Variants in RUNX3 observed in about 807,000 individuals in gnomAD.
The protein encoded by RUNX3 is RUNX family transcription factor 3.
A neutral mutation model predicts 27.7 loss-of-function variants in RUNX3; 10 were observed. The observed-to-expected ratio is 0.36, with a 90% confidence interval of 0.22 to 0.61. The LOEUF (loss-of-function observed/expected upper bound fraction) is 0.61, where lower values mean the gene tolerates loss of function less well. RUNX3 is among the 20% of genes least tolerant of loss of function. The probability of loss-of-function intolerance (pLI) is 0.72; values close to 1 mark genes in which losing one functional copy is unlikely to be tolerated. For missense variants in RUNX3, 469 were observed against 629.5 expected (o/e 0.75, Z 2.73); for synonymous variants, 270 against 269.2 (o/e 1.00, Z -0.03).
rs567931795 is a variant in RUNX3 at position 24,944,121 on chromosome 1, G to T, written c.59-14269C>A. Among the ~76,000 whole-genome samples, 7 of 152,250 alleles carry T rather than the reference G, an allele frequency of 4.6e-5. No homozygotes were observed. In the East Asian group the frequency reaches 1.3e-3, roughly 29 times the overall value. ...AATGGGTGTCAGCTTAGCAGGACAG[G>T]GTGGTACTTCAGGGGCAGGGCTTGG... is the stretch of plus-strand genomic sequence containing the variant. On this transcript the variant is annotated intron_variant, in intron 2 of 6. Transcript: ENST00000338888.
upstream of RUNX3, among the ~76,000 whole-genome samples, chr1:24,931,629 A>G (rs1462005358): frequency 6.6e-6 from 1 of 152,200 alleles, no homozygotes; most frequent in Non-Finnish European, 1.5e-5. Context: ...CCTCGGAAGC[A>G]AAGAAGCTTA....
At chr1:24,939,093 G>A (rs2124332390) in intron 2 of RUNX3, among the ~76,000 whole-genome samples, 1 of 152,196 alleles carries the variant, frequency 6.6e-6, no homozygotes, top group Middle Eastern at 3.4e-3. Flanking sequence ...GTTATAATTT[G>A]GCTGGAAAAT....
intron 2 of RUNX3, among the ~76,000 whole-genome samples, chr1:24,952,722 C>G (rs1487957966): frequency 6.6e-6 from 1 of 152,200 alleles, no homozygotes; most frequent in Non-Finnish European, 1.5e-5. Context: ...CCCACAGCGG[C>G]CTGGAGAGGT....
rs766712958 is a variant in RUNX3 at position 24,929,821 on chromosome 1, G to A, written c.48C>T (p.Pro16=). The A allele has an allele frequency of 2.1e-5, 30 of 1,405,660 alleles. No individual in the cohort carries two copies. The highest frequency in any genetic ancestry group is 2.7e-5 in the Non-Finnish European group (29 of 1,090,468). 87.1% of individuals were successfully genotyped at this position (1,405,660 alleles called of 1,614,324 possible). A position where few individuals can be genotyped will look rare whatever the true frequency, so the allele number is the denominator to read the frequency against. Residue 16 remains proline, a synonymous_variant, in exon 1 of 5, where the codon CCC becomes CCT. Coordinates refer to ENST00000308873, the MANE Select transcript of RUNX3 (RefSeq NM_004350.3). The part of the protein sequence containing the change: ...DPSTSRRFTP[P]SPAFPCGGGG... The stretch of plus-strand genomic sequence containing the variant: ...CGCCGCCGCAGGGGAAGGCCGGGGA[G>A]GGAGGTGTGAAGCGGCGGCTGGTGC...
At chr1:24,926,923 GC>G (rs60079311) in intron 2 of RUNX3, among the ~76,000 whole-genome samples, 1 of 151,914 alleles carries the variant, frequency 6.6e-6, no homozygotes, top group East Asian at 1.9e-4. Context: ...CCATTCAACA[GC>G]CCCCCACCCC....
At chr1:24,924,504 A>G (rs552396872) in intron 2 of RUNX3, among the ~76,000 whole-genome samples, 79 of 149,240 alleles carry the variant, frequency 5.3e-4, no homozygotes, top group Non-Finnish European at 8.1e-4. Flanking sequence ...AATTTTGTTC[A>G]GCGCTTTGCC....
chr1:24,960,684 A>T (rs1005471220), intron 2 of RUNX3, among the ~76,000 whole-genome samples: 5 of 152,010 alleles, frequency 3.3e-5, no homozygotes, highest in Non-Finnish European at 1.5e-5. Context: ...GGGGTGCCCC[A>T]GGGGGTGCAG....
At chr1:24,907,478 T>C (rs1303719497) in intron 3 of RUNX3, 61 bp from the exon 4 acceptor site, 6 of 1,509,338 alleles carry the variant, frequency 4.0e-6, no homozygotes, top group Admixed American at 1.9e-5. Flanking sequence ...GAGACAGAAA[T>C]GCCTCACTCT....
intron 2 of RUNX3, chr1:24,964,476 C>T (rs1642202901): frequency 6.4e-7 from 1 of 1,561,972 alleles, no homozygotes; most frequent in African/African-American, 1.4e-5. Context: ...GGCCTGGCCA[C>T]AGCTCCCCAC....
chr1:24,954,434 G>A (rs572669247), intron 2 of RUNX3, among the ~76,000 whole-genome samples: 2 of 152,314 alleles, frequency 1.3e-5, no homozygotes, highest in South Asian at 2.1e-4. Flanking sequence ...CACAAGTCCA[G>A]GGAAGGAAGG....
intron 2 of RUNX3, among the ~76,000 whole-genome samples, chr1:24,961,002 G>T (rs1166140114): frequency 6.6e-6 from 1 of 152,150 alleles, no homozygotes; most frequent in Non-Finnish European, 1.5e-5. Context: ...CCATGCACCA[G>T]CCCTGAGGGT....
At chr1:24,964,691 G>C in intron 1 of RUNX3, 1 of 1,506,058 alleles carries the variant, frequency 6.6e-7, no homozygotes, top group Non-Finnish European at 8.9e-7. Flanking sequence ...AAAGGGGGGG[G>C]TGTTGCTTTT....
At chr1:24,919,211 A>G in intron 3 of RUNX3, 29 bp downstream of exon 3, 3 of 1,412,004 alleles carry the variant, frequency 2.1e-6, no homozygotes, top group Non-Finnish European at 2.9e-6. Context: ...TCCCCCGCGC[A>G]GGGGCTCAGG....
Position 24,927,108 on chromosome 1 carries a change from A to AGACC in RUNX3, c.439+462_439+465dup, listed in dbSNP as rs1641113750. ...AAGGCGCTGGGAAACTGGGTCTGGGAGACCACAGCTGGAGAGACAGCCTCA... is the reference window on the plus strand; with the variant it reads ...AAGGCGCTGGGAAACTGGGTCTGGGAGACCGACCACAGCTGGAGAGACAGCCTCA... On this transcript the variant is annotated intron_variant, in intron 2 of 4. Coordinates refer to ENST00000308873, the MANE Select transcript of RUNX3 (RefSeq NM_004350.3). The surrounding 1 kb of genome is among the most constrained non-coding windows in gnomAD (Gnocchi z 5.0). 6.6e-6 allele frequency among the ~76,000 whole-genome samples: 1 copy of AGACC among 152,188 alleles called. No individual in the cohort carries two copies. The highest frequency in any genetic ancestry group is 2.4e-5 in the African/African-American group (1 of 41,438).
upstream of RUNX3, among the ~76,000 whole-genome samples, chr1:24,934,263 G>A (rs913273875): frequency 6.6e-6 from 1 of 152,192 alleles, no homozygotes; most frequent in Non-Finnish European, 1.5e-5. Context: ...TGTAGGCCGG[G>A]GGTCCAGCTC....
chr1:24,919,761 C>G (rs973958300), intron 2 of RUNX3, among the ~76,000 whole-genome samples: 8 of 151,922 alleles, frequency 5.3e-5, no homozygotes, highest in Non-Finnish European at 1.0e-4. Flanking sequence ...CACCCCCCCC[C>G]CACGGTTCCA....
rs184002049 is a variant in RUNX3, at chr1:24,943,991, C to G, written c.59-14139G>C. Among the ~76,000 whole-genome samples, 230 of 152,294 alleles carry G rather than the reference C, an allele frequency of 1.5e-3. 1 individual carries two copies. The highest frequency in any genetic ancestry group is 0.012 in the Admixed American group (190 of 15,296). On this transcript the variant is annotated intron_variant, in intron 2 of 6. Coordinates refer to the RUNX3 transcript ENST00000338888. The surrounding 1 kb of genome is among the most constrained non-coding windows in gnomAD (Gnocchi z 4.6). ...TTGTGGGAGGTGAGACTGTGCCCCT[C>G]TCTGCCATAAAATATCTCTTTACTG...
At chr1:24,944,393 T>C (rs963697328) in intron 2 of RUNX3, among the ~76,000 whole-genome samples, 2 of 152,128 alleles carry the variant, frequency 1.3e-5, no homozygotes, top group African/African-American at 4.8e-5. Flanking sequence ...CCCACTTCAT[T>C]CAGGTCCCTG....
intron 2 of RUNX3, among the ~76,000 whole-genome samples, chr1:24,940,646 C>T (rs554061906): frequency 6.6e-6 from 1 of 151,706 alleles, no homozygotes; most frequent in African/African-American, 2.4e-5. Context: ...GTAATCTCAG[C>T]TACTTGGAAG....
Sources: gnomAD v4.1 joint callset for allele counts (sites outside exome capture counted in the v4.1 genomes callset) on GRCh38, gnomAD v4.1.1 for gene constraint, Gnocchi (gnomAD v3.1) non-coding constraint, MANE v1.5 for transcripts, NCBI Gene and HGNC (gene_info 2026-07-23, HGNC 2026-07-21) for gene names.